The following EFCAB6 variants were observed in gnomAD, a reference collection of about 807,000 sequenced individuals.
EFCAB6 encodes EF-hand calcium binding domain 6.
Under a neutral mutation model 169.8 loss-of-function variants are expected in EFCAB6, and 156 were observed. The observed-to-expected ratio is 0.92, with a 90% CI of 0.81 to 1.05. The LOEUF is 1.05. Ranked by LOEUF, EFCAB6 falls within the 50% of genes least tolerant of loss-of-function variation. EFCAB6 has a pLI of 0.00. For missense variants in EFCAB6, 1,800 were observed against 1,829.1 expected (o/e 0.98, Z 0.29); for synonymous variants, 698 against 676.4 (o/e 1.03, Z -0.50).
At chr22:43,810,481 G>C (rs181227345) in intron 1 of EFCAB6, among the ~76,000 whole-genome samples, 22 of 152,278 alleles carry the variant, frequency 1.4e-4, no homozygotes, top group African/African-American at 4.6e-4. Context: ...TCTCAAACCT[G>C]TCTCAGTTGT....
chr22:43,724,371 T>C (rs1027041711), intron 8 of EFCAB6, among the ~76,000 whole-genome samples: 1 of 147,632 alleles, frequency 6.8e-6, no homozygotes, highest in Non-Finnish European at 1.5e-5. Flanking sequence ...TTTTTTCTTT[T>C]TTTTTTTTTT....
At chr22:43,656,922 T>C in intron 17 of EFCAB6, among the ~76,000 whole-genome samples, 1 of 152,212 alleles carries the variant, frequency 6.6e-6, no homozygotes, top group East Asian at 1.9e-4. Context: ...TTAAGCCGCA[T>C]ATGACTGAAT....
chr22:43,585,155 T>G (rs1174478447), intron 24 of EFCAB6, among the ~76,000 whole-genome samples: 1 of 152,084 alleles, frequency 6.6e-6, no homozygotes, highest in African/African-American at 2.4e-5. Flanking sequence ...TATTTTGAAA[T>G]TATCAGATAG....
chr22:43,737,500 C>T (rs1045316920), intron 6 of EFCAB6, among the ~76,000 whole-genome samples: 2 of 147,360 alleles, frequency 1.4e-5, no homozygotes, highest in Non-Finnish European at 1.5e-5. Context: ...CACTCACACC[C>T]ATATATTCAC....
chr22:43,574,100 A>G (rs2050072695), intron 26 of EFCAB6, among the ~76,000 whole-genome samples: 2 of 152,130 alleles, frequency 1.3e-5, no homozygotes, highest in African/African-American at 2.4e-5. Context: ...ATTTACATGC[A>G]AAGTGCTCAC....
At chr22:43,544,076 T>A (rs2047903177) in intron 27 of EFCAB6, among the ~76,000 whole-genome samples, 2 of 151,380 alleles carry the variant, frequency 1.3e-5, no homozygotes, top group Admixed American at 1.3e-4. Context: ...TTCACTCCAC[T>A]CCTCCCTCCC....
intron 3 of EFCAB6, among the ~76,000 whole-genome samples, chr22:43,781,844 C>T (rs1237846491): frequency 6.6e-6 from 1 of 152,048 alleles, no homozygotes; most frequent in Admixed American, 6.6e-5. Context: ...GTTTTCTAGT[C>T]AATTTTTCTG....
chr22:43,596,983 G>A (rs568575581), intron 23 of EFCAB6, among the ~76,000 whole-genome samples: 1 of 152,196 alleles, frequency 6.6e-6, no homozygotes, highest in African/African-American at 2.4e-5. Flanking sequence ...CAAAGGCACT[G>A]AGAACACACA....
At chr22:43,582,186 A>C (rs2050769739) in intron 24 of EFCAB6, among the ~76,000 whole-genome samples, 1 of 152,234 alleles carries the variant, frequency 6.6e-6, no homozygotes. Flanking sequence ...ATAATCATTT[A>C]GTTAATTTAT....
At chr22:43,680,050 C>A (rs749383039) in intron 12 of EFCAB6, among the ~76,000 whole-genome samples, 26 of 152,072 alleles carry the variant, frequency 1.7e-4, no homozygotes, top group Non-Finnish European at 3.4e-4. Context: ...AAATGTTTGC[C>A]TAACACAAGG....
intron 7 of EFCAB6, among the ~76,000 whole-genome samples, chr22:43,732,218 A>G (rs1456776387): frequency 1.3e-5 from 2 of 152,282 alleles, no homozygotes; most frequent in East Asian, 1.9e-4. Context: ...GAAATGAGTC[A>G]GCCAGCACAA....
chr22:43,554,115 A>T (rs531360238), intron 27 of EFCAB6: 1 of 152,408 alleles, frequency 6.6e-6, no homozygotes, highest in Non-Finnish European at 1.5e-5. Context: ...CCTTCTTTGG[A>T]CCATGTGGAG....
chr22:43,731,893 C>T (rs773155515), intron 7 of EFCAB6, 82 bp from the exon 8 acceptor site: 79 of 691,590 alleles, frequency 1.1e-4, no homozygotes, highest in Admixed American at 2.7e-4. Flanking sequence ...CCTTTACACT[C>T]GGGCTGGCAT....
chr22:43,632,104 C>G lies in EFCAB6; in HGVS notation c.2232+1G>C, dbSNP rs1456001184. 6.2e-7 allele frequency: 1 copy of G among 1,613,780 alleles called. No individual in the cohort carries two copies. The highest frequency in any genetic ancestry group is 1.1e-5 in the South Asian group (1 of 91,020). Reference sequence around the variant, plus strand: ...CCCAGCGCCAGACAGTCACGGTTTACCCGGAATGACTCCTTCAGCCTCCTA... The same window carrying G: ...CCCAGCGCCAGACAGTCACGGTTTAGCCGGAATGACTCCTTCAGCCTCCTA... On this transcript the variant is annotated splice_donor_variant, in intron 19 of 31. Transcript: ENST00000262726. LOFTEE classifies it high-confidence loss of function.
At chr22:43,703,089 C>A (rs191223642) in intron 10 of EFCAB6, among the ~76,000 whole-genome samples, 9 of 152,306 alleles carry the variant, frequency 5.9e-5, no homozygotes, top group Admixed American at 3.9e-4. Context: ...AACCTTGGGA[C>A]CCCTCCTGCA....
intron 3 of EFCAB6, among the ~76,000 whole-genome samples, chr22:43,778,335 C>A (rs1362030876): frequency 6.6e-6 from 1 of 152,202 alleles, no homozygotes; most frequent in East Asian, 1.9e-4. Context: ...TAGAGGAGAG[C>A]TGAGTGATCC....
At chr22:43,676,155 A>G (rs549255566) in intron 13 of EFCAB6, among the ~76,000 whole-genome samples, 1 of 151,984 alleles carries the variant, frequency 6.6e-6, no homozygotes, top group African/African-American at 2.4e-5. Context: ...CGGTGGCTCA[A>G]GCCTGTAATC....
At chr22:43,658,276 G>C (rs1485183228) in intron 17 of EFCAB6, among the ~76,000 whole-genome samples, 1 of 152,112 alleles carries the variant, frequency 6.6e-6, no homozygotes, top group African/African-American at 2.4e-5. Flanking sequence ...AAAGGCATCA[G>C]AGAGCAATGA....
chr22:43,662,064 G>C (rs1372755182), intron 17 of EFCAB6, among the ~76,000 whole-genome samples: 1 of 151,834 alleles, frequency 6.6e-6, no homozygotes, highest in Non-Finnish European at 1.5e-5. Context: ...AGGAAGCTGA[G>C]ATAGAATTGC....
Sources: allele counts gnomAD v4.1 joint callset (sites outside exome capture counted in the v4.1 genomes callset), GRCh38; gene constraint gnomAD v4.1.1; transcripts MANE v1.5; gene names NCBI Gene and HGNC (gene_info 2026-07-23, HGNC 2026-07-21).